Variants in SYBU observed in about 807,000 individuals in gnomAD.
The protein encoded by SYBU is GOLSYN A protein.
A neutral mutation model predicts 35.9 loss-of-function variants in SYBU; 21 were observed. That is an observed-to-expected ratio of 0.58 (90% confidence interval 0.41 to 0.84). The LOEUF (loss-of-function observed/expected upper bound fraction) is 0.84, where lower values mean the gene tolerates loss of function less well. Among genes scored for constraint, SYBU ranks in the 40% least tolerant of loss-of-function variants. The pLI, the probability that SYBU is intolerant of heterozygous loss-of-function variation, is 0.00. For synonymous variants in SYBU, 319 were observed against 324.3 expected (o/e 0.98, Z 0.18); for missense variants, 768 against 848.2 (o/e 0.91, Z 1.17).
chr8:109,645,633 G>T (rs56896223), upstream of SYBU: 10,977 of 228,516 alleles, frequency 0.048, 1,466 homozygotes, highest in African/African-American at 0.26. Context: ...TTCGTTTTTT[G>T]TTTTTTTTTT....
exon 1 of SYBU, chr8:109,680,897 C>G (rs906039796): frequency 3.9e-5 from 6 of 152,354 alleles, no homozygotes; most frequent in African/African-American, 1.4e-4. Flanking sequence ...CGGGCACCTC[C>G]CTTTGTTCTA....
intron 1 of SYBU, among the ~76,000 whole-genome samples, chr8:109,690,603 A>C (rs1235468150): frequency 6.6e-6 from 1 of 152,078 alleles, no homozygotes; most frequent in Non-Finnish European, 1.5e-5. Flanking sequence ...AAAAGCAACG[A>C]TTTTCCGATT....
At chr8:109,650,137 CAG>C (rs1816061229) in intron 1 of SYBU, among the ~76,000 whole-genome samples, 1 of 152,090 alleles carries the variant, frequency 6.6e-6, no homozygotes, top group Admixed American at 6.5e-5. Context: ...ATGCCAGACA[CAG>C]AGCAGATACA....
rs1027110835 is a variant in SYBU at position 109,638,990 on chromosome 8, A to C, written c.229+3738T>G. On this transcript the variant is annotated intron_variant, in intron 2 of 6. Coordinates refer to ENST00000276646, the MANE Select transcript of SYBU (RefSeq NM_001099754.2). ...GACAACATACAAATTAGCATATAGAATATCAAGTCATTAAATGTTCCTTGC... is the reference window on the plus strand; with the variant it reads ...GACAACATACAAATTAGCATATAGACTATCAAGTCATTAAATGTTCCTTGC... Among the ~76,000 whole-genome samples the C allele has an allele frequency of 1.3e-5, 2 of 152,242 alleles. 1 individual carries two copies. Among genetic ancestry groups the C allele is most frequent in the Non-Finnish European group, 2.9e-5 (2 of 68,036 alleles).
At chr8:109,665,892 A>G (rs1816735912) in intron 1 of SYBU, among the ~76,000 whole-genome samples, 2 of 152,272 alleles carry the variant, frequency 1.3e-5, no homozygotes, top group African/African-American at 4.8e-5. Context: ...TATTTAAAAT[A>G]CAAAGCAGTT....
At chr8:109,659,532 T>C (rs1816483615) in intron 1 of SYBU, among the ~76,000 whole-genome samples, 1 of 152,222 alleles carries the variant, frequency 6.6e-6, no homozygotes, top group Non-Finnish European at 1.5e-5. Flanking sequence ...ACAAAAGCAT[T>C]ATATTTCACA....
chr8:109,642,464 A>T (rs925550212), intron 2 of SYBU, among the ~76,000 whole-genome samples: 4 of 152,226 alleles, frequency 2.6e-5, no homozygotes, highest in African/African-American at 9.6e-5. Flanking sequence ...GAAAAAAGTC[A>T]TAGAAACAAG....
intron 1 of SYBU, among the ~76,000 whole-genome samples, chr8:109,674,881 A>G (rs1307570304): frequency 6.6e-6 from 1 of 152,150 alleles, no homozygotes; most frequent in Non-Finnish European, 1.5e-5. Flanking sequence ...AATATAGACC[A>G]TGTAATTGGA....
chr8:109,575,671 T>G lies in SYBU; in HGVS notation c.1227A>C (p.Thr409=). The G allele has an allele frequency of 6.2e-7, 1 of 1,614,070 alleles. No homozygotes were observed. Among genetic ancestry groups the G allele is most frequent in the Non-Finnish European group, 8.5e-7 (1 of 1,180,008 alleles). ...KSLTLNPPLD[T]MADGLSLEEQ... is the part of the protein sequence containing the mutation. Reference sequence around the variant, plus strand: ...CTTCCAGAGATAACCCATCTGCCATTGTGTCAAGAGGGGGGTTGAGGGTTA... The same window carrying G: ...CTTCCAGAGATAACCCATCTGCCATGGTGTCAAGAGGGGGGTTGAGGGTTA... The change falls in exon 7 of 7, where the codon ACA becomes ACC. Residue 409 remains threonine (T), a synonymous_variant. Transcript: ENST00000276646.
At chr8:109,677,608 G>A (rs1354275370) in intron 1 of SYBU, among the ~76,000 whole-genome samples, 2 of 152,150 alleles carry the variant, frequency 1.3e-5, no homozygotes, top group Admixed American at 6.5e-5. Context: ...GAGGAAGGAA[G>A]GTGAAAACTA....
intron 1 of SYBU, among the ~76,000 whole-genome samples, chr8:109,658,500 T>C (rs1328800863): frequency 1.3e-5 from 2 of 152,220 alleles, no homozygotes; most frequent in Admixed American, 1.3e-4. Flanking sequence ...TTGGTAGCTC[T>C]AGAAATGATG....
intron 2 of SYBU, among the ~76,000 whole-genome samples, chr8:109,625,486 A>G (rs1812891025): frequency 6.6e-6 from 1 of 152,192 alleles, no homozygotes; most frequent in Non-Finnish European, 1.5e-5. Context: ...ACAGTGGAAC[A>G]ATCATACCTC....
intron 2 of SYBU, among the ~76,000 whole-genome samples, chr8:109,636,043 T>C (rs16879844): frequency 0.26 from 40,002 of 152,078 alleles, 5,471 homozygotes; most frequent in East Asian, 0.41. Flanking sequence ...ATCCAGGTGG[T>C]CTCACTCTTT....
intron 1 of SYBU, among the ~76,000 whole-genome samples, chr8:109,663,780 G>A (rs1246797796): frequency 6.6e-6 from 1 of 151,992 alleles, no homozygotes; most frequent in African/African-American, 2.4e-5. Context: ...AAACATGCCA[G>A]TGGTATTTTT....
upstream of SYBU, chr8:109,645,193 T>G (rs979987366): frequency 6.6e-6 from 3 of 456,578 alleles, no homozygotes; most frequent in African/African-American, 4.0e-5. Flanking sequence ...AGAGAAAGTT[T>G]TCCCCTGGCC....
At chr8:109,687,058 A>G (rs1350836780) in intron 1 of SYBU, among the ~76,000 whole-genome samples, 2 of 152,204 alleles carry the variant, frequency 1.3e-5, no homozygotes, top group East Asian at 1.9e-4. Flanking sequence ...TCTGGTCCCA[A>G]GAACATTTGA....
Position 109,642,751 on chromosome 8 carries a change from A to T in SYBU, c.206T>A (p.Val69Asp), listed in dbSNP as rs1421433049. 1.9e-6 allele frequency: 3 copies of T among 1,607,958 alleles called. No homozygotes were observed. The African/African-American group carries it at 4.0e-5, about 22-fold the overall frequency. Residue 69 changes from valine (V) to aspartate (D), a missense_variant, in exon 2 of 7, where the codon GTT becomes GAT. Physicochemically the swap from Val to Asp is radical, Grantham distance 152 (BLOSUM62 -3). Coordinates refer to ENST00000276646, the MANE Select transcript of SYBU (RefSeq NM_001099754.2). The part of the protein sequence containing the change: ...PSSSGRSART[V>D]SSNSFCSDDT... ...ACCTGAGCAGAAGCTGTTGCTGCTA[A>T]CGGTCCTCGCTGAGCGCCCAGAGCT...
At chr8:109,596,379 T>C (rs1418987916) in intron 3 of SYBU, among the ~76,000 whole-genome samples, 1 of 152,212 alleles carries the variant, frequency 6.6e-6, no homozygotes, top group Non-Finnish European at 1.5e-5. Context: ...GTTTTGTTTA[T>C]GTTTAATATA....
At chr8:109,639,710 C>T (rs76513740) in intron 2 of SYBU, among the ~76,000 whole-genome samples, 2 of 152,144 alleles carry the variant, frequency 1.3e-5, no homozygotes, top group African/African-American at 4.8e-5. Context: ...ACTTAACTGC[C>T]GTGATTAAAC....
Sources: allele counts gnomAD v4.1 joint callset (sites outside exome capture counted in the v4.1 genomes callset), GRCh38; gene constraint gnomAD v4.1.1; transcripts MANE v1.5; gene names NCBI Gene and HGNC (gene_info 2026-07-23, HGNC 2026-07-21).